PTPN11: variants seen among roughly 807,000 people sequenced by gnomAD.
PTPN11 encodes tyrosine-protein phosphatase non-receptor type 11.
PTPN11 carries 6 observed loss-of-function variants against 78.8 expected under a neutral mutation model. The ratio of observed to expected loss-of-function variants is 0.08; its 90% confidence interval spans 0.04 to 0.15. The LOEUF is 0.15. PTPN11 is among the 10% of genes least tolerant of loss of function. PTPN11 has a pLI of 1.00. For synonymous variants in PTPN11, 221 were observed against 263.5 expected (o/e 0.84, Z 1.56); for missense variants, 386 against 744.8 (o/e 0.52, Z 5.61).
chr12:112,429,961 T>C (rs1398780093), intron 1 of PTPN11, among the ~76,000 whole-genome samples: 1 of 152,198 alleles, frequency 6.6e-6, no homozygotes, highest in Non-Finnish European at 1.5e-5. Flanking sequence ...GTGGCAAACA[T>C]TCAGTAAGTA....
chr12:112,419,980 T>G (rs2037496258), intron 1 of PTPN11, among the ~76,000 whole-genome samples: 1 of 152,200 alleles, frequency 6.6e-6, no homozygotes, highest in Non-Finnish European at 1.5e-5. Flanking sequence ...CACAGCCCTA[T>G]CAGATGGCTA....
intron 1 of PTPN11, among the ~76,000 whole-genome samples, chr12:112,430,195 A>G (rs1052005643): frequency 6.6e-6 from 1 of 151,640 alleles, no homozygotes; most frequent in Non-Finnish European, 1.5e-5. Context: ...TATTTTTTGC[A>G]TTTTTAGTAG....
intron 1 of PTPN11, among the ~76,000 whole-genome samples, chr12:112,438,391 A>G (rs2037828418): frequency 2.0e-5 from 3 of 151,950 alleles, no homozygotes; most frequent in Admixed American, 2.0e-4. Context: ...CGTCTTGATC[A>G]TAGCTTACTG....
intron 1 of PTPN11, among the ~76,000 whole-genome samples, chr12:112,445,385 G>C (rs1724446416): frequency 6.6e-6 from 1 of 152,144 alleles, no homozygotes; most frequent in Non-Finnish European, 1.5e-5. Flanking sequence ...GCCCGCCTCG[G>C]CCTCCCAAAG....
At chr12:112,441,175 G>A (rs1409826206) in intron 1 of PTPN11, among the ~76,000 whole-genome samples, 4 of 151,554 alleles carry the variant, frequency 2.6e-5, no homozygotes, top group Non-Finnish European at 5.9e-5. Flanking sequence ...TGTTGGTCAG[G>A]CTGGTCTTAA....
chr12:112,469,737 ACTC>A (rs1303684223), intron 6 of PTPN11, among the ~76,000 whole-genome samples: 4 of 151,384 alleles, frequency 2.6e-5, no homozygotes, highest in African/African-American at 9.7e-5. Context: ...CTGGTCTTGA[ACTC>A]CTGACCTCAG....
At chr12:112,503,291 A>G (rs1432392932) in intron 14 of PTPN11, among the ~76,000 whole-genome samples, 3 of 152,252 alleles carry the variant, frequency 2.0e-5, no homozygotes, top group Non-Finnish European at 4.4e-5. Context: ...AATTGAGGAT[A>G]TGAATAGCAA....
chr12:112,442,633 GT>G (rs141995765), intron 1 of PTPN11, among the ~76,000 whole-genome samples: 12 of 150,428 alleles, frequency 8.0e-5, no homozygotes, highest in African/African-American at 2.9e-4. Flanking sequence ...TGTATTTTTA[GT>G]AGAGACAGGG....
intron 2 of PTPN11, among the ~76,000 whole-genome samples, chr12:112,447,815 T>G (rs1182007870): frequency 6.0e-5 from 9 of 150,942 alleles, no homozygotes; most frequent in Admixed American, 2.6e-4. Context: ...TTTTTTTTTT[T>G]TTTGAGACAA....
rs397507507 is a variant in PTPN11 at position 112,450,358 on chromosome 12, G to A, written c.178G>A (p.Gly60Ser). Residue 60 changes from glycine (G) to serine (S), a missense_variant, in exon 3 of 16, where the codon GGT becomes AGT. By Grantham distance (56) the Gly-to-Ser change is moderately conservative (BLOSUM62 0). Transcript: ENST00000351677. ...CACCCACATCAAGATTCAGAACACT[G>A]GTGATTACTATGACCTGTATGGAGG... ...AVTHIKIQNTGDYYDLYGGEK... is the reference protein window; with the variant it reads ...AVTHIKIQNTSDYYDLYGGEK... 1 of 1,613,236 alleles carries A rather than the reference G, an allele frequency of 6.2e-7. No homozygotes were observed. The highest frequency in any genetic ancestry group is 2.2e-5 in the East Asian group (1 of 44,876).
intron 14 of PTPN11, 31 bp downstream of exon 14, chr12:112,502,287 C>G (rs1170630445): frequency 7.1e-6 from 11 of 1,557,464 alleles, no homozygotes; most frequent in Non-Finnish European, 8.9e-6. Context: ...TTCTTTTTAC[C>G]TGGTCATGGT....
intron 4 of PTPN11, 122 bp downstream of exon 4, chr12:112,453,509 T>C: frequency 1.2e-6 from 1 of 829,298 alleles, no homozygotes; most frequent in Non-Finnish European, 1.9e-6. Context: ...TATTTATTTA[T>C]TTATTTATTT....
chr12:112,501,573 C>T (rs144041259), intron 13 of PTPN11, among the ~76,000 whole-genome samples: 2,204 of 152,206 alleles, frequency 0.014, 57 homozygotes, highest in African/African-American at 0.051. Flanking sequence ...TGCAGTGAGC[C>T]GAGATCATGC....
chr12:112,429,233 C>G (rs1217525451), intron 1 of PTPN11, among the ~76,000 whole-genome samples: 1 of 152,120 alleles, frequency 6.6e-6, no homozygotes, highest in Non-Finnish European at 1.5e-5. Context: ...ATAGTGAAAA[C>G]TAATGTTTAT....
At chr12:112,472,860 T>G (rs2038440176) in intron 6 of PTPN11, 84 bp from the exon 7 acceptor site, 2 of 1,081,844 alleles carry the variant, frequency 1.8e-6, no homozygotes, top group African/African-American at 1.6e-5. Context: ...GATGAATTCC[T>G]TAAAGAAGTA....
At chr12:112,502,444 C>T (rs754868487) in intron 14 of PTPN11, among the ~76,000 whole-genome samples, 188 bp downstream of exon 14, 1 of 152,166 alleles carries the variant, frequency 6.6e-6, no homozygotes, top group East Asian at 1.9e-4. Context: ...ATCTCAACCA[C>T]GTTTTAATTT....
chr12:112,451,320 T>A (rs562565073), intron 3 of PTPN11, among the ~76,000 whole-genome samples: 156 of 152,338 alleles, frequency 1.0e-3, no homozygotes, highest in African/African-American at 3.5e-3. Flanking sequence ...TTCTAAATTT[T>A]ACTGTTTTCA....
intron 7 of PTPN11, among the ~76,000 whole-genome samples, chr12:112,475,613 G>C (rs942359101): frequency 6.6e-6 from 1 of 152,132 alleles, no homozygotes; most frequent in Non-Finnish European, 1.5e-5. Context: ...GTGCATATGT[G>C]TATACATTTC....
At chr12:112,447,992 A>G (rs1300202049) in intron 2 of PTPN11, among the ~76,000 whole-genome samples, 1 of 150,034 alleles carries the variant, frequency 6.7e-6, no homozygotes, top group South Asian at 2.1e-4. Context: ...TGTAGAGACT[A>G]GGTTTTACCA....
Sources: gnomAD v4.1 joint callset for allele counts (sites outside exome capture counted in the v4.1 genomes callset) on GRCh38, gnomAD v4.1.1 for gene constraint, MANE v1.5 for transcripts, NCBI Gene and HGNC (gene_info 2026-07-23, HGNC 2026-07-21) for gene names.